CNTNAP2: variants seen among roughly 807,000 people sequenced by gnomAD.
The protein encoded by CNTNAP2 is contactin associated protein 2, also known as contactin-associated protein-like 2.
Under a neutral mutation model 155.2 loss-of-function variants are expected in CNTNAP2, and 98 were observed. The observed-to-expected ratio is 0.63, with a 90% CI of 0.54 to 0.75. CNTNAP2 has a LOEUF of 0.75. CNTNAP2 is among the 30% of genes least tolerant of loss of function. CNTNAP2 has a pLI of 0.00. For synonymous variants in CNTNAP2, 651 were observed against 631.2 expected (o/e 1.03, Z -0.47); for missense variants, 1,727 against 1,688.1 (o/e 1.02, Z -0.40).
At chr7:146,667,704 C>G (rs921071304) in intron 1 of CNTNAP2, among the ~76,000 whole-genome samples, 2 of 115,352 alleles carry the variant, frequency 1.7e-5, no homozygotes, top group African/African-American at 6.8e-5. Flanking sequence ...GATAAATTCA[C>G]TTTTAGGTTT....
At chr7:147,288,756 C>T (rs1462872862) in intron 8 of CNTNAP2, among the ~76,000 whole-genome samples, 1 of 152,126 alleles carries the variant, frequency 6.6e-6, no homozygotes, top group African/African-American at 2.4e-5. Flanking sequence ...ATAAATGTCA[C>T]TTTATGGATG....
chr7:148,092,900 CA>C (rs1803876163), intron 15 of CNTNAP2, among the ~76,000 whole-genome samples: 1 of 116,260 alleles, frequency 8.6e-6, no homozygotes, highest in Admixed American at 8.0e-5. Flanking sequence ...AAAAAAAAAA[CA>C]ACCACAAAGC....
At chr7:146,974,458 A>C (rs1355292445) in intron 3 of CNTNAP2, among the ~76,000 whole-genome samples, 1 of 152,088 alleles carries the variant, frequency 6.6e-6, no homozygotes, top group Non-Finnish European at 1.5e-5. Context: ...TAAAAAATAA[A>C]AAAATAAAAA....
At chr7:147,056,121 A>G (rs1034462127) in intron 4 of CNTNAP2, among the ~76,000 whole-genome samples, 16 of 152,258 alleles carry the variant, frequency 1.1e-4, no homozygotes, top group Admixed American at 6.5e-5. Flanking sequence ...CAAATCAACA[A>G]CATGAACAAC....
chr7:147,743,513 C>G (rs959192983), intron 13 of CNTNAP2, among the ~76,000 whole-genome samples: 3 of 152,124 alleles, frequency 2.0e-5, no homozygotes, highest in African/African-American at 7.2e-5. Context: ...TATCACTGTT[C>G]TCCCCTGGTA....
At position 147,623,246 on chromosome 7, in the gene CNTNAP2, C is replaced by T. The variant is rs181218152; in HGVS notation, c.1898-15860C>T. On this transcript the variant is annotated intron_variant, in intron 12 of 23. Transcript: ENST00000361727. ...TGTTATTCAACGTAATACTGAAAGT[C>T]CTAAGCTAGAGCATTCAGACAAAAG... is the stretch of plus-strand genomic sequence containing the variant. Among the ~76,000 whole-genome samples, 6 of 152,038 alleles carry T rather than the reference C, an allele frequency of 3.9e-5. No individual in the cohort carries two copies. The East Asian group carries it at 1.2e-3, about 29-fold the overall frequency.
At chr7:146,898,922 G>A (rs1795936404) in intron 3 of CNTNAP2, among the ~76,000 whole-genome samples, 1 of 150,460 alleles carries the variant, frequency 6.6e-6, no homozygotes, top group Admixed American at 6.6e-5. Context: ...TCCTCCCATT[G>A]CAAACGCCAC....
rs181300917 is a variant in CNTNAP2 at position 148,347,806 on chromosome 7, G to A, written c.3476-35843G>A. Among the ~76,000 whole-genome samples, 154 of 152,258 alleles carry A rather than the reference G, an allele frequency of 1.0e-3. No individual in the cohort carries two copies. In the Middle Eastern group the frequency reaches 0.014, roughly 13 times the overall value. On this transcript the variant is annotated intron_variant, in intron 21 of 23. Transcript: ENST00000361727. ...GTCTGCTTGTTGGTGGTGGGCGATG[G>A]ATACAAAGATACCCAGCCAGAATCC...
intron 8 of CNTNAP2, among the ~76,000 whole-genome samples, chr7:147,238,431 T>G (rs1157178058): frequency 1.3e-5 from 2 of 150,490 alleles, no homozygotes; most frequent in African/African-American, 4.9e-5. Context: ...ACACACAGAT[T>G]TTATCTGGAT....
intron 10 of CNTNAP2, among the ~76,000 whole-genome samples, chr7:147,446,695 T>A (rs981382314): frequency 3.9e-5 from 6 of 152,238 alleles, no homozygotes; most frequent in Non-Finnish European, 7.3e-5. Flanking sequence ...CAGTGAGTAT[T>A]CAGTTAAATT....
At chr7:147,002,795 C>T (rs747298373) in intron 3 of CNTNAP2, among the ~76,000 whole-genome samples, 5 of 151,516 alleles carry the variant, frequency 3.3e-5, no homozygotes, top group East Asian at 2.0e-4. Flanking sequence ...TTCATTAGGG[C>T]GCTAATCCTA....
intron 3 of CNTNAP2, among the ~76,000 whole-genome samples, chr7:146,964,316 A>C (rs1477999554): frequency 6.6e-6 from 1 of 152,328 alleles, no homozygotes; most frequent in South Asian, 2.1e-4. Context: ...AATGAAGTTT[A>C]TGTTTCTGTA....
At chr7:148,227,211 G>A (rs1374495289) in intron 19 of CNTNAP2, among the ~76,000 whole-genome samples, 1 of 152,168 alleles carries the variant, frequency 6.6e-6, no homozygotes, top group South Asian at 2.1e-4. Context: ...TCTGTGCCGA[G>A]TGAAGATGAG....
intron 1 of CNTNAP2, among the ~76,000 whole-genome samples, chr7:146,183,888 A>G (rs979232785): frequency 3.9e-5 from 6 of 152,106 alleles, no homozygotes; most frequent in African/African-American, 1.4e-4. Flanking sequence ...GGAATCTCTC[A>G]AGGCTCACAC....
At chr7:148,375,528 T>G (rs1051171354) in intron 21 of CNTNAP2, among the ~76,000 whole-genome samples, 2 of 150,136 alleles carry the variant, frequency 1.3e-5, no homozygotes, top group Non-Finnish European at 3.0e-5. Context: ...CCCAGCTAAT[T>G]TTTTGTATCT....
intron 16 of CNTNAP2, among the ~76,000 whole-genome samples, chr7:148,126,166 T>C (rs1264881913): frequency 6.6e-6 from 1 of 152,126 alleles, no homozygotes; most frequent in African/African-American, 2.4e-5. Context: ...AAAGGAAGTT[T>C]CAGGTTTAGA....
intron 1 of CNTNAP2, among the ~76,000 whole-genome samples, chr7:146,745,970 A>G (rs1442099218): frequency 6.6e-6 from 1 of 152,188 alleles, no homozygotes; most frequent in African/African-American, 2.4e-5. Flanking sequence ...TTCATTAAGC[A>G]CTGGCAGTAA....
chr7:147,593,225 T>A (rs1800772131), intron 12 of CNTNAP2, among the ~76,000 whole-genome samples: 1 of 147,276 alleles, frequency 6.8e-6, no homozygotes, highest in African/African-American at 2.5e-5. Context: ...TTTTTTTTTT[T>A]CATTTGCTGA....
Position 147,873,003 on chromosome 7 carries a change from A to G in CNTNAP2, c.2099-30562A>G, listed in dbSNP as rs554584544. Among the ~76,000 whole-genome samples, 3 of 152,366 alleles carry G rather than the reference A, an allele frequency of 2.0e-5. No homozygotes were observed. The East Asian group carries it at 5.8e-4, about 29-fold the overall frequency. On this transcript the variant is annotated intron_variant, in intron 13 of 23. Coordinates refer to ENST00000361727, the MANE Select transcript of CNTNAP2 (RefSeq NM_014141.6). The stretch of plus-strand genomic sequence containing the variant: ...CAAAGCCTAAATATGAACATTCAAT[A>G]AAGTAAAAGTGCTAACAAAAATTTG...
Sources: gnomAD v4.1 joint callset for allele counts (sites outside exome capture counted in the v4.1 genomes callset) on GRCh38, gnomAD v4.1.1 for gene constraint, MANE v1.5 for transcripts, NCBI Gene and HGNC (gene_info 2026-07-23, HGNC 2026-07-21) for gene names.